ONECUT3: variants seen among roughly 807,000 people sequenced by gnomAD.
ONECUT3 encodes one cut homeobox 3.
In ONECUT3, 11 loss-of-function variants were observed where a neutral mutation model predicts 16.8. The observed-to-expected ratio is 0.66, with a 90% confidence interval of 0.41 to 1.09. ONECUT3 has a LOEUF of 1.09. Among genes scored for constraint, ONECUT3 ranks in the 50% least tolerant of loss-of-function variants. ONECUT3 has a pLI of 0.00. For synonymous variants in ONECUT3, 344 were observed against 310.7 expected (o/e 1.11, Z -1.13); for missense variants, 637 against 629.9 (o/e 1.01, Z -0.12).
intron 1 of ONECUT3, among the ~76,000 whole-genome samples, chr19:1,773,037 T>C (rs1429202446): frequency 1.3e-5 from 2 of 152,086 alleles, no homozygotes; most frequent in African/African-American, 2.4e-5. Flanking sequence ...AGTCCTTACA[T>C]GGAATTATTT....
chr19:1,754,654 C>A lies in ONECUT3; in HGVS notation c.992C>A (p.Thr331Lys). The change falls in exon 1 of 2, where the codon ACG (threonine) becomes AAG (lysine). Residue 331 changes from threonine (T) to lysine (K), a missense_variant. Thr to Lys is a moderately conservative substitution (Grantham distance 78). This residue lies in a region of ONECUT3 where 35 missense variants were observed against 63.8 expected (regional missense o/e 0.55). Transcript: ENST00000382349. The surrounding 1 kb of genome is among the most constrained non-coding windows in gnomAD (Gnocchi z 7.4). Reference protein sequence around the residue: ...INTKEVAQRITAELKRYSIPQ... With the variant: ...INTKEVAQRIKAELKRYSIPQ... ...ACCAAGGAGGTGGCGCAGCGCATCA[C>A]GGCGGAGCTGAAGCGCTACAGCATC... 6.6e-7 allele frequency: 1 copy of A among 1,514,864 alleles called. No individual in the cohort carries two copies. 93.8% of individuals were successfully genotyped at this position (1,514,864 alleles called of 1,614,324 possible). A position where few individuals can be genotyped will look rare whatever the true frequency, so the allele number is the denominator to read the frequency against.
In ONECUT3 at chr19:1,758,073, G is replaced by GCGC. The variant is rs1298447255; in HGVS notation, c.1192+3222_1192+3224dup. On this transcript the variant is annotated intron_variant, in intron 1 of 1. Transcript: ENST00000382349. This position sits in a 1 kb window ranked among gnomAD's most constrained non-coding sequence, Gnocchi z 5.9. ...CCGCAGGTGCCGAGTGTCCTGCCGG[G>GCGC]CGCCGGGGCCAGGACAGAGACGGGG... Among the ~76,000 whole-genome samples, 1 of 152,156 alleles carries GCGC rather than the reference G, an allele frequency of 6.6e-6. No individual in the cohort carries two copies. Among genetic ancestry groups the GCGC allele is most frequent in the Admixed American group, 6.5e-5 (1 of 15,286 alleles).
In ONECUT3 at chr19:1,754,482, G is replaced by T; in HGVS notation, c.820G>T (p.Gly274Ter). The change falls in exon 1 of 2, where the codon GGA becomes TGA. Residue 274 changes from glycine to a stop codon, truncating the protein, a stop_gained. Coordinates refer to ENST00000382349, the MANE Select transcript of ONECUT3 (RefSeq NM_001080488.2). LOFTEE classifies it high-confidence loss of function. The surrounding 1 kb of genome is among the most constrained non-coding windows in gnomAD (Gnocchi z 7.4). ...AGGCGGCGGCGGCACAGGCAGCGGC[G>T]GAGCGGGCAGCGGGAGCGCCGCGGG... is the stretch of plus-strand genomic sequence containing the variant. ...PGGGGGTGSG[G>*]AGSGSAAGLL... 1 of 982,384 alleles carries T rather than the reference G, an allele frequency of 1.0e-6. No homozygotes were observed. Among genetic ancestry groups the T allele is most frequent in the South Asian group, 4.6e-5 (1 of 21,726 alleles). 60.9% of individuals were successfully genotyped at this position (982,384 alleles called of 1,614,324 possible).
Position 1,754,682 on chromosome 19 carries a change from G to T in ONECUT3, c.1020G>T (p.Pro340=), listed in dbSNP as rs767581467. Residue 340 remains proline, a synonymous_variant, in exon 1 of 2, where the codon CCG becomes CCT. Coordinates refer to ENST00000382349, the MANE Select transcript of ONECUT3 (RefSeq NM_001080488.2). The surrounding 1 kb of genome is among the most constrained non-coding windows in gnomAD (Gnocchi z 7.4). The part of the protein sequence containing the change: ...ITAELKRYSI[P]QAIFAQRILC... ...CGGAGCTGAAGCGCTACAGCATCCC[G>T]CAGGCAATCTTCGCGCAGCGGATCC... The T allele has an allele frequency of 2.0e-6, 3 of 1,531,444 alleles. No homozygotes were observed. The highest frequency in any genetic ancestry group is 2.5e-5 in the South Asian group (2 of 81,244). 94.9% of individuals were successfully genotyped at this position (1,531,444 alleles called of 1,614,324 possible).
rs988200273 is a variant in ONECUT3 at position 1,764,666 on chromosome 19, G to C, written c.1192+9812G>C. 6.6e-6 allele frequency among the ~76,000 whole-genome samples: 1 copy of C among 152,110 alleles called. No individual in the cohort carries two copies. The highest frequency in any genetic ancestry group is 2.4e-5 in the African/African-American group (1 of 41,420). On this transcript the variant is annotated intron_variant, in intron 1 of 1. Coordinates refer to ENST00000382349, the MANE Select transcript of ONECUT3 (RefSeq NM_001080488.2). The surrounding 1 kb of genome is among the most constrained non-coding windows in gnomAD (Gnocchi z 5.0). ...AGGTTCCACTGCCTCCCACCCATGG[G>C]AATCAATTTTCCAGCTCCCCGAGGG...
rs1369492667 is a variant in ONECUT3, at chr19:1,766,372, G to T, written c.1193-8781G>T. On this transcript the variant is annotated intron_variant, in intron 1 of 1. Transcript: ENST00000382349. This position sits in a 1 kb window ranked among gnomAD's most constrained non-coding sequence, Gnocchi z 4.0. ...CGCCTTCAGGGGCGAGGCGGATGCT[G>T]CATCCTGAAGCCCTCCCTGTTACAA... 2.0e-5 allele frequency among the ~76,000 whole-genome samples: 3 copies of T among 152,160 alleles called. No individual in the cohort carries two copies. In the East Asian group the frequency reaches 5.8e-4, roughly 29 times the overall value.
chr19:1,764,887 C>T lies in ONECUT3; in HGVS notation c.1192+10033C>T, dbSNP rs376292349. 5.3e-5 allele frequency among the ~76,000 whole-genome samples: 8 copies of T among 151,960 alleles called. No homozygotes were observed. The highest frequency in any genetic ancestry group is 2.6e-4 in the Admixed American group (4 of 15,270). ...ACATCTGGGGCAGGGCAGCTGGTGGCGGGGACAGGACGCGTCGCCAAGGAA... is the reference window on the plus strand; with the variant it reads ...ACATCTGGGGCAGGGCAGCTGGTGGTGGGGACAGGACGCGTCGCCAAGGAA... On this transcript the variant is annotated intron_variant, in intron 1 of 1. Transcript: ENST00000382349. This position sits in a 1 kb window ranked among gnomAD's most constrained non-coding sequence, Gnocchi z 5.0.
intron 1 of ONECUT3, among the ~76,000 whole-genome samples, chr19:1,769,609 G>C (rs1304171594): frequency 1.3e-5 from 2 of 151,852 alleles, no homozygotes; most frequent in Non-Finnish European, 2.9e-5. Flanking sequence ...GTTGGGTGGG[G>C]TGCTGGCGGG....
At chr19:1,761,871 T>TG (rs2067948219) in intron 1 of ONECUT3, among the ~76,000 whole-genome samples, 2 of 151,880 alleles carry the variant, frequency 1.3e-5, no homozygotes, top group African/African-American at 4.8e-5. Context: ...TGGGCAGATG[T>TG]GGGGGGCGAT....
In ONECUT3 at chr19:1,757,643, G is replaced by A. The variant is rs894874472; in HGVS notation, c.1192+2789G>A. ...CTGTCGCGTCTCAGGTGCCCTGGGG[G>A]CCGCGTCTACACCACCGGACTCCGC... On this transcript the variant is annotated intron_variant, in intron 1 of 1. Coordinates refer to ENST00000382349, the MANE Select transcript of ONECUT3 (RefSeq NM_001080488.2). Among the ~76,000 whole-genome samples the A allele has an allele frequency of 1.2e-4, 18 of 152,108 alleles. No homozygotes were observed. In the East Asian group the frequency reaches 2.1e-3, roughly 18 times the overall value.
At position 1,764,264 on chromosome 19, in the gene ONECUT3, C is replaced by A. The variant is rs1483343211; in HGVS notation, c.1192+9410C>A. Among the ~76,000 whole-genome samples, 1 of 152,194 alleles carries A rather than the reference C, an allele frequency of 6.6e-6. No homozygotes were observed. Among genetic ancestry groups the A allele is most frequent in the Non-Finnish European group, 1.5e-5 (1 of 68,032 alleles). On this transcript the variant is annotated intron_variant, in intron 1 of 1. Coordinates refer to ENST00000382349, the MANE Select transcript of ONECUT3 (RefSeq NM_001080488.2). This position sits in a 1 kb window ranked among gnomAD's most constrained non-coding sequence, Gnocchi z 5.0. ...CGAGGGTGAGAGGTGCCCCCTGACACCCCCATGCCCCCACCCCATGGCGGC... is the reference window on the plus strand; with the variant it reads ...CGAGGGTGAGAGGTGCCCCCTGACAACCCCATGCCCCCACCCCATGGCGGC...
chr19:1,762,776 C>G lies in ONECUT3; in HGVS notation c.1192+7922C>G, dbSNP rs960452916. Among the ~76,000 whole-genome samples, 2 of 151,964 alleles carry G rather than the reference C, an allele frequency of 1.3e-5. No homozygotes were observed. The highest frequency in any genetic ancestry group is 2.9e-5 in the Non-Finnish European group (2 of 68,004). ...CCACCCCAGGGGAAACCGCGCCGCA[C>G]CAGGCGCGAGTGTTCTTCTTCCTTG... On this transcript the variant is annotated intron_variant, in intron 1 of 1. Transcript: ENST00000382349. The surrounding 1 kb of genome is among the most constrained non-coding windows in gnomAD (Gnocchi z 4.4).
chr19:1,768,359 C>T (rs115210963), intron 1 of ONECUT3, among the ~76,000 whole-genome samples: 6,185 of 151,768 alleles, frequency 0.041, 425 homozygotes, highest in African/African-American at 0.14. Context: ...GTGAGGCCAG[C>T]GGGGGAGGCC....
intron 1 of ONECUT3, among the ~76,000 whole-genome samples, chr19:1,769,087 G>A (rs1235781118): frequency 3.8e-4 from 57 of 150,888 alleles, no homozygotes; most frequent in Admixed American, 9.2e-4. Context: ...AAGTGGAGGT[G>A]GAGGTGATGG....
chr19:1,769,997 C>CT (rs2068039388), intron 1 of ONECUT3, among the ~76,000 whole-genome samples: 1 of 152,134 alleles, frequency 6.6e-6, no homozygotes, highest in Non-Finnish European at 1.5e-5. Flanking sequence ...CCAGTGGACT[C>CT]TGTTTTCTGG....
chr19:1,758,329 G>T lies in ONECUT3; in HGVS notation c.1192+3475G>T, dbSNP rs765747116. 6.7e-6 allele frequency among the ~76,000 whole-genome samples: 1 copy of T among 149,080 alleles called. No homozygotes were observed. The highest frequency in any genetic ancestry group is 1.5e-5 in the Non-Finnish European group (1 of 67,496). On this transcript the variant is annotated intron_variant, in intron 1 of 1. Transcript: ENST00000382349. This position sits in a 1 kb window ranked among gnomAD's most constrained non-coding sequence, Gnocchi z 5.9. The stretch of plus-strand genomic sequence containing the variant: ...AAAAAAAAAAAAAGAGAGAGAGAGA[G>T]AGAGAGACAGAGATGGGAGAGGAAC...
intron 1 of ONECUT3, among the ~76,000 whole-genome samples, chr19:1,763,818 G>A (rs897547405): frequency 2.3e-4 from 34 of 150,648 alleles, no homozygotes; most frequent in Admixed American, 6.6e-4. Flanking sequence ...CGCGCATCCT[G>A]GTCATTTTTG....
rs2067905989 is a variant in ONECUT3, at chr19:1,754,474, G to A, written c.812G>A (p.Gly271Asp). 3 of 983,548 alleles carry A rather than the reference G, an allele frequency of 3.1e-6. No homozygotes were observed. The South Asian group carries it at 1.4e-4, about 45-fold the overall frequency. 60.9% of individuals were successfully genotyped at this position (983,548 alleles called of 1,614,324 possible). The change falls in exon 1 of 2, where the codon GGC (glycine) becomes GAC (aspartate). Residue 271 changes from glycine (G) to aspartate (D), a missense_variant. By Grantham distance (94) the Gly-to-Asp change is moderately conservative. Coordinates refer to ENST00000382349, the MANE Select transcript of ONECUT3 (RefSeq NM_001080488.2). The surrounding 1 kb of genome is among the most constrained non-coding windows in gnomAD (Gnocchi z 7.4). ...CTGCCCGGAGGCGGCGGCGGCACAGGCAGCGGCGGAGCGGGCAGCGGGAGC... is the reference window on the plus strand; with the variant it reads ...CTGCCCGGAGGCGGCGGCGGCACAGACAGCGGCGGAGCGGGCAGCGGGAGC... ...RGLPGGGGGTGSGGAGSGSAA... is the reference protein window; with the variant it reads ...RGLPGGGGGTDSGGAGSGSAA...
At chr19:1,765,624 G>A (rs2067980087) in intron 1 of ONECUT3, among the ~76,000 whole-genome samples, 1 of 152,206 alleles carries the variant, frequency 6.6e-6, no homozygotes, top group African/African-American at 2.4e-5. Context: ...ATGGTGAATG[G>A]ATGAGTCGGT....
Sources: allele counts gnomAD v4.1 joint callset (sites outside exome capture counted in the v4.1 genomes callset), GRCh38; gene constraint gnomAD v4.1.1; regional missense constraint gnomAD v4.1.1; non-coding constraint Gnocchi (gnomAD v3.1); transcripts MANE v1.5; gene names NCBI Gene and HGNC (gene_info 2026-07-23, HGNC 2026-07-21).